Variants in ASB3 observed in about 807,000 individuals in gnomAD.
The protein encoded by ASB3 is ankyrin repeat and SOCS box containing 3, also known as ankyrin repeat and SOCS box protein 3.
Under a neutral mutation model 54.5 loss-of-function variants are expected in ASB3, and 41 were observed. That is an observed-to-expected ratio of 0.75 (90% CI 0.59 to 0.98). The LOEUF is 0.98. ASB3 is among the 50% of genes least tolerant of loss of function. The pLI, the probability that ASB3 is intolerant of heterozygous loss-of-function variation, is 0.00. For synonymous variants in ASB3, 266 were observed against 221.2 expected, an observed-to-expected ratio of 1.20 and a Z score of -1.80; for missense variants, 733 against 620.0, an observed-to-expected ratio of 1.18 and a Z score of -1.94.
At chr2:53,737,586 G>T (rs1320132131) in intron 3 of ASB3, among the ~76,000 whole-genome samples, 1 of 152,138 alleles carries the variant, frequency 6.6e-6, no homozygotes, top group East Asian at 1.9e-4. Context: ...GAACTCCTAA[G>T]ACTTCTGGCT....
Position 53,745,331 on chromosome 2 carries a change from T to A in ASB3, c.355+5452A>T, listed in dbSNP as rs77774087. On this transcript the variant is annotated intron_variant, in intron 3 of 9. Transcript: ENST00000263634. ...TCTAACCTGTGTGCTAGCAAAAAGA[T>A]GTTCTGGAAGGACAATATTCATGTA... 7.2e-4 allele frequency among the ~76,000 whole-genome samples: 110 copies of A among 152,324 alleles called. 1 individual carries two copies. The East Asian group carries it at 0.02, about 28-fold the overall frequency.
chr2:53,766,795 T>G (rs533988116), intron 1 of ASB3, among the ~76,000 whole-genome samples: 95 of 152,306 alleles, frequency 6.2e-4, no homozygotes, highest in African/African-American at 1.2e-3. Flanking sequence ...TTGCTTTTTT[T>G]TTTGTTTGTT....
At chr2:53,709,009 C>G (rs1669944506) in intron 7 of ASB3, among the ~76,000 whole-genome samples, 1 of 152,238 alleles carries the variant, frequency 6.6e-6, no homozygotes, top group Middle Eastern at 3.2e-3. Flanking sequence ...GGAAGGAATT[C>G]AAGCAGACTT....
rs545643001 is a variant in ASB3 at position 53,693,801 on chromosome 2, C to G, written c.1369+83G>C. On this transcript the variant is annotated intron_variant, in intron 9 of 9. Coordinates refer to ENST00000263634, the MANE Select transcript of ASB3 (RefSeq NM_016115.5). ...GTCTAATTTGTGTTCACCGATGAATCTTATCACTTAAAATTACAACACAGC... is the reference window on the plus strand; with the variant it reads ...GTCTAATTTGTGTTCACCGATGAATGTTATCACTTAAAATTACAACACAGC... 1,409 of 1,529,386 alleles carry G rather than the reference C, an allele frequency of 9.2e-4. 37 individuals are homozygous for G. The South Asian group carries it at 0.017, about 19-fold the overall frequency. The allele number at this position is 1,529,386 out of a possible 1,614,324, so 94.7% of individuals were successfully genotyped here.
At chr2:53,769,634 G>A (rs182715638) in intron 1 of ASB3, among the ~76,000 whole-genome samples, 12 of 152,318 alleles carry the variant, frequency 7.9e-5, no homozygotes, top group Admixed American at 6.5e-4. Context: ...ATCACCTGAG[G>A]TCGGGAGTTC....
chr2:53,725,140 A>G (rs559566491), intron 5 of ASB3, among the ~76,000 whole-genome samples: 87 of 152,346 alleles, frequency 5.7e-4, no homozygotes, highest in Admixed American at 5.7e-3. Flanking sequence ...TTTCAGCAAC[A>G]TGGATGCAGC....
At chr2:53,769,157 G>C (rs1253099851) in intron 1 of ASB3, among the ~76,000 whole-genome samples, 1 of 152,196 alleles carries the variant, frequency 6.6e-6, no homozygotes, top group African/African-American at 2.4e-5. Flanking sequence ...GTATCTCCAA[G>C]AATGTTCTAG....
chr2:53,703,324 A>T (rs1043087368), intron 7 of ASB3, among the ~76,000 whole-genome samples: 2 of 152,258 alleles, frequency 1.3e-5, no homozygotes, highest in Non-Finnish European at 2.9e-5. Context: ...TCTATACAGT[A>T]GTGGAGGAGA....
intron 8 of ASB3, among the ~76,000 whole-genome samples, chr2:53,695,118 C>A (rs1669116989): frequency 6.6e-6 from 1 of 151,904 alleles, no homozygotes; most frequent in African/African-American, 2.4e-5. Context: ...GGAGGTATTA[C>A]GGAGCAACAA....
intron 3 of ASB3, among the ~76,000 whole-genome samples, chr2:53,740,018 A>C (rs1051690885): frequency 6.6e-6 from 1 of 152,218 alleles, no homozygotes; most frequent in African/African-American, 2.4e-5. Context: ...AATTCTAAAA[A>C]ATGACATGGT....
At chr2:53,722,924 T>C (rs982243638) in intron 5 of ASB3, among the ~76,000 whole-genome samples, 1 of 152,112 alleles carries the variant, frequency 6.6e-6, no homozygotes, top group African/African-American at 2.4e-5. Flanking sequence ...ACAATATGAT[T>C]CTATACCAAG....
In ASB3 at chr2:53,709,657, T is replaced by C. The variant is rs1341569247; in HGVS notation, c.980+4727A>G. On this transcript the variant is annotated intron_variant, in intron 7 of 9. Transcript: ENST00000263634. Reference sequence around the variant, plus strand: ...GTCTATGGGAGTTCACTGTACCAATTTCTTTACATTTACATATGTTTGAAA... The same window carrying C: ...GTCTATGGGAGTTCACTGTACCAATCTCTTTACATTTACATATGTTTGAAA... 5.3e-5 allele frequency among the ~76,000 whole-genome samples: 8 copies of C among 152,334 alleles called. No homozygotes were observed. In the East Asian group the frequency reaches 1.4e-3, roughly 26 times the overall value.
chr2:53,735,325 G>A (rs1470304432), intron 3 of ASB3, among the ~76,000 whole-genome samples: 1 of 151,998 alleles, frequency 6.6e-6, no homozygotes, highest in Non-Finnish European at 1.5e-5. Context: ...TCATGGTCCA[G>A]AACCAAATTT....
intron 9 of ASB3, among the ~76,000 whole-genome samples, chr2:53,688,491 G>A (rs564062203): frequency 3.2e-4 from 49 of 152,266 alleles, no homozygotes; most frequent in African/African-American, 1.1e-3. Flanking sequence ...TTGTTCCAGG[G>A]AAGATAAAAA....
chr2:53,736,025 A>T (rs1671609596), intron 3 of ASB3, among the ~76,000 whole-genome samples: 2 of 151,990 alleles, frequency 1.3e-5, no homozygotes, highest in African/African-American at 4.8e-5. Context: ...GAAAGGAAAA[A>T]TCTACAAACT....
intron 1 of ASB3, chr2:53,771,803 A>G: frequency 5.4e-6 from 4 of 742,516 alleles, no homozygotes; most frequent in Non-Finnish European, 9.6e-6. Flanking sequence ...GCTTCTTATG[A>G]GCAAATATAA....
intron 9 of ASB3, among the ~76,000 whole-genome samples, chr2:53,689,573 C>T (rs1668802465): frequency 6.6e-6 from 1 of 152,158 alleles, no homozygotes. Context: ...ATCTAACAAT[C>T]TCATAAAATA....
At chr2:53,729,677 T>C in intron 3 of ASB3, 107 bp from the exon 4 acceptor site, 1 of 858,914 alleles carries the variant, frequency 1.2e-6, no homozygotes, top group East Asian at 2.5e-5. Context: ...ACCACAATGC[T>C]CTGATTATTC....
chr2:53,766,276 C>A (rs146772650), intron 1 of ASB3, among the ~76,000 whole-genome samples: 2 of 152,348 alleles, frequency 1.3e-5, no homozygotes, highest in Non-Finnish European at 1.5e-5. Flanking sequence ...TTGCCCACAT[C>A]ATCACCTCCC....
Sources: allele counts gnomAD v4.1 joint callset (sites outside exome capture counted in the v4.1 genomes callset), GRCh38; gene constraint gnomAD v4.1.1; transcripts MANE v1.5; gene names NCBI Gene and HGNC (gene_info 2026-07-23, HGNC 2026-07-21).